TIMM17A: variants seen among roughly 807,000 people sequenced by gnomAD.
TIMM17A encodes mitochondrial import inner membrane translocase subunit Tim17-A.
In TIMM17A, 15 loss-of-function variants were observed where a neutral mutation model predicts 26.5. The ratio of observed to expected loss-of-function variants is 0.57; its 90% CI spans 0.38 to 0.87. The LOEUF (loss-of-function observed/expected upper bound fraction) is 0.87. Ranked by LOEUF, TIMM17A falls within the 40% of genes least tolerant of loss-of-function variation. The probability of loss-of-function intolerance (pLI) is 0.00; values close to 1 mark genes in which losing one functional copy is unlikely to be tolerated. For missense variants in TIMM17A, 201 were observed against 210.0 expected, an observed-to-expected ratio of 0.96 and a Z score of 0.27; for synonymous variants, 80 against 70.8, an observed-to-expected ratio of 1.13 and a Z score of -0.66.
At chr1:201,957,606 T>C in intron 3 of TIMM17A, 32 bp downstream of exon 3, 1 of 1,554,596 alleles carries the variant, frequency 6.4e-7, no homozygotes, top group Non-Finnish European at 8.8e-7. Context: ...ACTGAACTAT[T>C]TTTTTCTGTT....
intron 1 of TIMM17A, among the ~76,000 whole-genome samples, chr1:201,956,607 G>A (rs1268581259): frequency 2.0e-5 from 3 of 152,188 alleles, no homozygotes; most frequent in African/African-American, 4.8e-5. Flanking sequence ...GCTGTTTGAT[G>A]TACTATAATG....
At chr1:201,956,790 T>C (rs999808338) in intron 1 of TIMM17A, among the ~76,000 whole-genome samples, 2 of 151,912 alleles carry the variant, frequency 1.3e-5, no homozygotes, top group Non-Finnish European at 2.9e-5. Flanking sequence ...ACCCCGTCTC[T>C]ACTAAAAATA....
At chr1:201,959,356 T>C (rs1343993573) in intron 3 of TIMM17A, among the ~76,000 whole-genome samples, 3 of 147,178 alleles carry the variant, frequency 2.0e-5, no homozygotes, top group African/African-American at 7.5e-5. Context: ...ACTCTGTCTC[T>C]AAAAAATAAA....
intron 1 of TIMM17A, among the ~76,000 whole-genome samples, chr1:201,956,494 T>A (rs1431812589): frequency 6.6e-6 from 1 of 152,224 alleles, no homozygotes; most frequent in African/African-American, 2.4e-5. Context: ...ATACAAAATA[T>A]AAGTTTTAGG....
chr1:201,966,481 C>T (rs1259196395), intron 5 of TIMM17A, among the ~76,000 whole-genome samples: 3 of 152,062 alleles, frequency 2.0e-5, no homozygotes, highest in Admixed American at 2.0e-4. Context: ...GAGCAAGACC[C>T]CATCTCTTAA....
intron 5 of TIMM17A, among the ~76,000 whole-genome samples, chr1:201,969,042 AG>A (rs1475804021): frequency 3.9e-5 from 6 of 152,214 alleles, no homozygotes; most frequent in African/African-American, 1.4e-4. Flanking sequence ...TGGATTACCA[AG>A]TTCTCTTAAA....
At chr1:201,957,014 G>C (rs1682424826) in intron 1 of TIMM17A, among the ~76,000 whole-genome samples, 1 of 150,884 alleles carries the variant, frequency 6.6e-6, no homozygotes, top group Non-Finnish European at 1.5e-5. Context: ...TAAATCATTA[G>C]GTAGCCCCTT....
At chr1:201,956,826 C>G (rs934761461) in intron 1 of TIMM17A, among the ~76,000 whole-genome samples, 1 of 151,980 alleles carries the variant, frequency 6.6e-6, no homozygotes, top group Admixed American at 6.6e-5. Context: ...CGTGGTGGCA[C>G]GCGCCTGTAG....
intron 1 of TIMM17A, among the ~76,000 whole-genome samples, chr1:201,956,349 G>A (rs553248979): frequency 6.6e-6 from 1 of 152,224 alleles, no homozygotes; most frequent in East Asian, 1.9e-4. Flanking sequence ...TGATATTTCG[G>A]TTAATCATTT....
chr1:201,958,938 T>C (rs899921328), intron 3 of TIMM17A, among the ~76,000 whole-genome samples: 13 of 152,232 alleles, frequency 8.5e-5, no homozygotes, highest in African/African-American at 2.9e-4. Flanking sequence ...CTTTGTTCCC[T>C]GTGTAAGAAT....
At position 201,969,649 on chromosome 1, in the gene TIMM17A, G is replaced by T; in HGVS notation, c.*95G>T. 5 of 1,017,150 alleles carry T rather than the reference G, an allele frequency of 4.9e-6. No homozygotes were observed. Among genetic ancestry groups the T allele is most frequent in the Non-Finnish European group, 7.7e-6 (5 of 650,520 alleles). 63.0% of individuals were successfully genotyped at this position (1,017,150 alleles called of 1,614,324 possible). A position where few individuals can be genotyped will look rare whatever the true frequency, so the allele number is the denominator to read the frequency against. Reference sequence around the variant, plus strand: ...CAGTCTGTTTTTAAAACCATAGGTGGGACAGCTATGGCCAATAGGCTATAA... The same window carrying T: ...CAGTCTGTTTTTAAAACCATAGGTGTGACAGCTATGGCCAATAGGCTATAA... On this transcript the variant is annotated 3_prime_UTR_variant, in exon 6 of 6. Coordinates refer to ENST00000367287, the MANE Select transcript of TIMM17A (RefSeq NM_006335.3).
At chr1:201,967,697 T>C (rs1033362986) in intron 5 of TIMM17A, among the ~76,000 whole-genome samples, 1 of 151,488 alleles carries the variant, frequency 6.6e-6, no homozygotes, top group African/African-American at 2.4e-5. Context: ...TGTGCACCGC[T>C]ATGCCCGGCT....
Position 201,957,396 on chromosome 1 carries a change from G to C in TIMM17A, c.126+16G>C, listed in dbSNP as rs759160429. ...TTCTCCAGTGGTAAGTGGGTGAATG[G>C]TCTTATTTTATCATCACTTGCAACT... On this transcript the variant is annotated intron_variant, in intron 2 of 5. Coordinates refer to ENST00000367287, the MANE Select transcript of TIMM17A (RefSeq NM_006335.3). 8.7e-6 allele frequency: 14 copies of C among 1,605,454 alleles called. No individual in the cohort carries two copies. Among genetic ancestry groups the C allele is most frequent in the Non-Finnish European group, 1.2e-5 (14 of 1,172,628 alleles).
At chr1:201,964,648 T>A (rs12043463) in intron 4 of TIMM17A, among the ~76,000 whole-genome samples, 2,383 of 45,800 alleles carry the variant, frequency 0.052, 37 homozygotes, top group South Asian at 0.089. Context: ...TTTTTTTTTT[T>A]TTTTTTTTTT....
At chr1:201,959,396 C>T (rs1237433249) in intron 3 of TIMM17A, among the ~76,000 whole-genome samples, 10 of 152,132 alleles carry the variant, frequency 6.6e-5, no homozygotes, top group African/African-American at 2.4e-4. Flanking sequence ...TGGCTCACGC[C>T]TGTAATCCCA....
Position 201,965,520 on chromosome 1 carries a change from T to TA in TIMM17A, c.407_408insA (p.Phe136LeufsTer42). 1 of 1,613,272 alleles carries TA rather than the reference T, an allele frequency of 6.2e-7. No individual in the cohort carries two copies. Among genetic ancestry groups the TA allele is most frequent in the South Asian group, 1.1e-5 (1 of 91,070 alleles). ...GGAGCTGGTATCTTGTTGACAAGAT[T>TA]TGCCTCTGCACAGTTTCCCAATGGT... On this transcript the variant is annotated frameshift_variant, in exon 5 of 6. Transcript: ENST00000367287. LOFTEE classifies it high-confidence loss of function.
chr1:201,957,758 A>G (rs1682441579), intron 3 of TIMM17A, 184 bp downstream of exon 3: 2 of 522,012 alleles, frequency 3.8e-6, no homozygotes, highest in Admixed American at 3.9e-5. Context: ...GAATTATGAT[A>G]CCCATTTGAA....
At chr1:201,969,321 T>G in intron 5 of TIMM17A, 148 bp from the exon 6 acceptor site, 1 of 628,526 alleles carries the variant, frequency 1.6e-6, no homozygotes, top group Non-Finnish European at 2.7e-6. Flanking sequence ...TTATGGGAAT[T>G]AGGCAGATCT....
At chr1:201,960,834 C>T (rs1032983589) in intron 3 of TIMM17A, among the ~76,000 whole-genome samples, 13 of 151,838 alleles carry the variant, frequency 8.6e-5, no homozygotes, top group Non-Finnish European at 1.9e-4. Context: ...CTGCAACCTC[C>T]GCCTCCCAGG....
Sources: allele counts gnomAD v4.1 joint callset (sites outside exome capture counted in the v4.1 genomes callset), GRCh38; gene constraint gnomAD v4.1.1; transcripts MANE v1.5; gene names NCBI Gene and HGNC (gene_info 2026-07-23, HGNC 2026-07-21).